The following PABPC4L variants were observed in gnomAD, a reference collection of about 807,000 sequenced individuals.
PABPC4L encodes the protein poly(A) binding protein cytoplasmic 4 like, also known as polyadenylate-binding protein 4-like.
For synonymous variants in PABPC4L, 169 were observed against 164.1 expected, an observed-to-expected ratio of 1.03 and a Z score of -0.23; for missense variants, 452 against 451.4, an observed-to-expected ratio of 1.00 and a Z score of -0.01.
At chr4:134,184,488 T>G in the PABPC4L span, among the ~76,000 whole-genome samples, 9 of 152,038 alleles carry the variant, frequency 5.9e-5, no homozygotes, top group East Asian at 1.8e-3. Flanking sequence ...TAGTTGGAAT[T>G]ATACTGTACA....
At chr4:134,039,448 G>C in the PABPC4L span, among the ~76,000 whole-genome samples, 1 of 151,974 alleles carries the variant, frequency 6.6e-6, no homozygotes, top group Non-Finnish European at 1.5e-5. Context: ...ATTATTTTGT[G>C]GGAGTCTAAG....
the PABPC4L span, among the ~76,000 whole-genome samples, chr4:134,056,613 A>C: frequency 5.9e-5 from 9 of 152,036 alleles, no homozygotes; most frequent in East Asian, 1.7e-3. Flanking sequence ...ATATTATTTA[A>C]ACTTTAATGT....
At chr4:133,984,218 T>A in the PABPC4L span, among the ~76,000 whole-genome samples, 2 of 151,856 alleles carry the variant, frequency 1.3e-5, no homozygotes, top group Non-Finnish European at 3.0e-5. Flanking sequence ...TCTAAAGATG[T>A]GTTAAATTAA....
chr4:134,047,262 T>A, the PABPC4L span, among the ~76,000 whole-genome samples: 1 of 152,166 alleles, frequency 6.6e-6, no homozygotes, highest in Non-Finnish European at 1.5e-5. Flanking sequence ...CTTGGTTCAA[T>A]GTAAGCATCA....
At chr4:134,043,904 A>ATGTGTG in the PABPC4L span, among the ~76,000 whole-genome samples, 140 of 147,640 alleles carry the variant, frequency 9.5e-4, no homozygotes, top group African/African-American at 3.1e-3. Flanking sequence ...CTGTATATAT[A>ATGTGTG]TGTGTGTGTG....
At chr4:133,952,478 T>C in the PABPC4L span, among the ~76,000 whole-genome samples, 2 of 152,172 alleles carry the variant, frequency 1.3e-5, no homozygotes, top group African/African-American at 4.8e-5. Flanking sequence ...GTGACCCATC[T>C]GGTTTCTTGA....
chr4:134,196,061 G>C (rs1729646189), downstream of PABPC4L, among the ~76,000 whole-genome samples: 1 of 151,358 alleles, frequency 6.6e-6, no homozygotes, highest in South Asian at 2.1e-4. Flanking sequence ...GCACTTGACA[G>C]GTTAGTTGAA....
At chr4:134,130,875 G>A in the PABPC4L span, among the ~76,000 whole-genome samples, 1 of 151,846 alleles carries the variant, frequency 6.6e-6, no homozygotes, top group African/African-American at 2.4e-5. Context: ...AGAAATGCAG[G>A]GACGGTTTAA....
At chr4:134,014,018 C>G in the PABPC4L span, among the ~76,000 whole-genome samples, 1 of 152,094 alleles carries the variant, frequency 6.6e-6, no homozygotes, top group African/African-American at 2.4e-5. Context: ...GTTAATGCTC[C>G]TTTTTCTTTA....
chr4:134,095,424 A>G, the PABPC4L span, among the ~76,000 whole-genome samples: 35 of 152,140 alleles, frequency 2.3e-4, no homozygotes, highest in Admixed American at 2.0e-3. Context: ...GTATGCATTT[A>G]TTTCTATGGT....
chr4:134,163,012 CAGAAT>C, the PABPC4L span, among the ~76,000 whole-genome samples: 1 of 151,778 alleles, frequency 6.6e-6, no homozygotes. Context: ...AAACAAAGAT[CAGAAT>C]AGAACTACAT....
chr4:133,992,937 AG>A, the PABPC4L span, among the ~76,000 whole-genome samples: 1 of 151,944 alleles, frequency 6.6e-6, no homozygotes, highest in African/African-American at 2.4e-5. Flanking sequence ...CTTCATTTCT[AG>A]TACCAGGTTG....
the PABPC4L span, among the ~76,000 whole-genome samples, chr4:134,001,172 A>G: frequency 8.3e-6 from 1 of 120,160 alleles, no homozygotes; most frequent in South Asian, 2.9e-4. Flanking sequence ...CCTCTATGTT[A>G]TGCTAACAGG....
chr4:134,158,678 G>C, the PABPC4L span, among the ~76,000 whole-genome samples: 2 of 151,990 alleles, frequency 1.3e-5, no homozygotes, highest in Admixed American at 1.3e-4. Flanking sequence ...AAGTATAATA[G>C]CTTTGCTAGA....
the PABPC4L span, among the ~76,000 whole-genome samples, chr4:134,001,210 C>T: frequency 0.39 from 50,601 of 130,374 alleles, 14,809 homozygotes; most frequent in African/African-American, 0.63. Flanking sequence ...TTTTTACAAG[C>T]TGAAAAATGG....
the PABPC4L span, among the ~76,000 whole-genome samples, chr4:134,020,964 T>A: frequency 5.9e-5 from 9 of 152,098 alleles, no homozygotes; most frequent in Non-Finnish European, 1.2e-4. Context: ...ACTAACTACT[T>A]CATTTGGGCA....
the PABPC4L span, among the ~76,000 whole-genome samples, chr4:134,166,733 C>A: frequency 6.6e-6 from 1 of 152,232 alleles, no homozygotes; most frequent in South Asian, 2.1e-4. Context: ...TGATTTTTGT[C>A]CCTTCCTATT....
At chr4:134,150,926 T>G in the PABPC4L span, among the ~76,000 whole-genome samples, 1 of 152,166 alleles carries the variant, frequency 6.6e-6, no homozygotes, top group Non-Finnish European at 1.5e-5. Context: ...TTTGGTATAT[T>G]AATAAACGAA....
the PABPC4L span, among the ~76,000 whole-genome samples, chr4:134,149,549 A>T: frequency 8.5e-5 from 13 of 152,168 alleles, no homozygotes; most frequent in Non-Finnish European, 1.3e-4. Context: ...TGATGTTTAC[A>T]TTTCAAAGAA....
Sources: gnomAD v4.1 joint callset for allele counts (sites outside exome capture counted in the v4.1 genomes callset) on GRCh38, gnomAD v4.1.1 for gene constraint, MANE v1.5 for transcripts, NCBI Gene and HGNC (gene_info 2026-07-23, HGNC 2026-07-21) for gene names.